NFIA: variants seen among roughly 807,000 people sequenced by gnomAD.
The protein encoded by NFIA is nuclear factor 1 A-type.
Under a neutral mutation model 62.8 loss-of-function variants are expected in NFIA, and 8 were observed. That is an observed-to-expected ratio of 0.13 (90% CI 0.07 to 0.23). The LOEUF (loss-of-function observed/expected upper bound fraction) is 0.23, where lower values mean the gene tolerates loss of function less well. NFIA is among the 10% of genes least tolerant of loss of function. The pLI, the probability that NFIA is intolerant of heterozygous loss-of-function variation, is 1.00. For missense variants in NFIA, 410 were observed against 642.1 expected (o/e 0.64, Z 3.91); for synonymous variants, 235 against 238.1 (o/e 0.99, Z 0.12).
chr1:61,364,326 T>C (rs1663469467), intron 6 of NFIA, among the ~76,000 whole-genome samples: 1 of 152,230 alleles, frequency 6.6e-6, no homozygotes, highest in Non-Finnish European at 1.5e-5. Context: ...GTCTTTTCCA[T>C]TGCTGTATCT....
At chr1:61,310,239 C>G (rs1055719534) in intron 3 of NFIA, among the ~76,000 whole-genome samples, 1 of 152,166 alleles carries the variant, frequency 6.6e-6, no homozygotes, top group Non-Finnish European at 1.5e-5. Flanking sequence ...AAGTCTGTTG[C>G]AACAAGGATA....
intron 3 of NFIA, among the ~76,000 whole-genome samples, chr1:61,308,501 A>G (rs1308325660): frequency 1.3e-5 from 2 of 152,216 alleles, no homozygotes; most frequent in Non-Finnish European, 2.9e-5. Context: ...TTTAAAGGCT[A>G]TATGTGAAAT....
chr1:61,225,866 C>T (rs1232785292), intron 2 of NFIA, among the ~76,000 whole-genome samples: 2 of 151,892 alleles, frequency 1.3e-5, no homozygotes, highest in Non-Finnish European at 2.9e-5. Context: ...ATCTTTTTAC[C>T]GAGTAGACTA....
intron 3 of NFIA, among the ~76,000 whole-genome samples, chr1:61,313,216 T>C (rs1660204670): frequency 6.6e-6 from 1 of 152,200 alleles, no homozygotes; most frequent in South Asian, 2.1e-4. Context: ...TATTAGACCA[T>C]TCTTGCTTTG....
At chr1:61,209,643 GTGATACC>G (rs1034299725) in intron 2 of NFIA, among the ~76,000 whole-genome samples, 1 of 150,404 alleles carries the variant, frequency 6.6e-6, no homozygotes, top group Non-Finnish European at 1.5e-5. Context: ...GGCCAACATG[GTGATACC>G]CCATCTCTAT....
chr1:61,140,969 T>G (rs1420884802), intron 2 of NFIA, among the ~76,000 whole-genome samples: 2 of 145,480 alleles, frequency 1.4e-5, no homozygotes, highest in Non-Finnish European at 1.5e-5. Context: ...AGCTGGGTTT[T>G]TTTTTTTTTT....
At chr1:61,401,444 G>A (rs917880876) in intron 7 of NFIA, among the ~76,000 whole-genome samples, 4 of 152,190 alleles carry the variant, frequency 2.6e-5, no homozygotes, top group African/African-American at 9.7e-5. Flanking sequence ...AACAAAATGA[G>A]GGAAAGGATG....
intron 2 of NFIA, among the ~76,000 whole-genome samples, chr1:61,211,253 C>T (rs1653232943): frequency 6.6e-6 from 1 of 152,154 alleles, no homozygotes; most frequent in Admixed American, 6.5e-5. Context: ...GGGAAAATTA[C>T]AGTACCAGAA....
chr1:61,188,351 T>G (rs1207942702), intron 2 of NFIA, among the ~76,000 whole-genome samples: 3 of 152,078 alleles, frequency 2.0e-5, no homozygotes, highest in African/African-American at 7.2e-5. Flanking sequence ...CAATAGCCCC[T>G]CCGAGCTCAA....
At chr1:61,115,692 C>T (rs10889207) in intron 2 of NFIA, among the ~76,000 whole-genome samples, 11,843 of 152,264 alleles carry the variant, frequency 0.078, 455 homozygotes, top group East Asian at 0.098. Context: ...TGCTTTACCT[C>T]GTGCTGACCC....
intron 2 of NFIA, among the ~76,000 whole-genome samples, chr1:61,276,719 T>G: frequency 6.6e-6 from 1 of 152,178 alleles, no homozygotes; most frequent in East Asian, 1.9e-4. Context: ...TAATTTTATC[T>G]AATTTAAAAA....
At chr1:61,325,438 T>C (rs930023879) in intron 3 of NFIA, among the ~76,000 whole-genome samples, 2 of 152,238 alleles carry the variant, frequency 1.3e-5, no homozygotes, top group Admixed American at 1.3e-4. Flanking sequence ...GTTTCATTTC[T>C]CATTGCTGTC....
At chr1:61,365,997 A>G (rs1015111911) in intron 6 of NFIA, among the ~76,000 whole-genome samples, 4 of 152,184 alleles carry the variant, frequency 2.6e-5, no homozygotes, top group African/African-American at 9.7e-5. Context: ...AAAGGTGGCA[A>G]TTAAACTGGA....
chr1:61,318,274 C>A (rs1210865711), intron 3 of NFIA, among the ~76,000 whole-genome samples: 1 of 152,012 alleles, frequency 6.6e-6, no homozygotes, highest in Non-Finnish European at 1.5e-5. Context: ...AAATTAACTT[C>A]ATTTTAAGGG....
chr1:61,300,722 T>TAC (rs1013710358), intron 3 of NFIA, among the ~76,000 whole-genome samples: 2 of 152,006 alleles, frequency 1.3e-5, no homozygotes, highest in Admixed American at 6.6e-5. Flanking sequence ...TATATGTATA[T>TAC]ACACACACAC....
chr1:61,081,665 T>A (rs1160934881), upstream of NFIA: 2 of 500,824 alleles, frequency 4.0e-6, no homozygotes, highest in South Asian at 2.1e-5. Context: ...CTGGGAGGGA[T>A]AACGCTCATT....
intron 3 of NFIA, among the ~76,000 whole-genome samples, chr1:61,280,882 A>G (rs986216923): frequency 1.3e-5 from 2 of 152,216 alleles, no homozygotes; most frequent in African/African-American, 4.8e-5. Context: ...CTGAGTTCAA[A>G]TTAAATAATA....
At chr1:61,376,022 C>T (rs1179514176) in intron 6 of NFIA, among the ~76,000 whole-genome samples, 4 of 152,146 alleles carry the variant, frequency 2.6e-5, no homozygotes, top group Non-Finnish European at 5.9e-5. Flanking sequence ...CCTCATTATA[C>T]GTGATCTCTC....
rs534146699 is a variant in NFIA at position 61,244,827 on chromosome 1, C to T, written c.560-32693C>T. ...TTACTTCACATAAATGCGTTTTCTACGTACACACCTAATAGACTTCAGGGA... is the reference window on the plus strand; with the variant it reads ...TTACTTCACATAAATGCGTTTTCTATGTACACACCTAATAGACTTCAGGGA... On this transcript the variant is annotated intron_variant, in intron 2 of 10. Coordinates refer to ENST00000403491, the MANE Select transcript of NFIA (RefSeq NM_001134673.4). Among the ~76,000 whole-genome samples, 98 of 152,274 alleles carry T rather than the reference C, an allele frequency of 6.4e-4. 2 individuals carry two copies. The South Asian group carries it at 0.014, about 21-fold the overall frequency.
Sources: allele counts gnomAD v4.1 joint callset (sites outside exome capture counted in the v4.1 genomes callset), GRCh38; gene constraint gnomAD v4.1.1; transcripts MANE v1.5; gene names NCBI Gene and HGNC (gene_info 2026-07-23, HGNC 2026-07-21).